The following CSNK2A2IP variants were observed in gnomAD, a reference collection of about 807,000 sequenced individuals.
CSNK2A2IP encodes casein kinase II subunit alpha'-interacting protein.
chr3:88,431,054 A>G, the CSNK2A2IP span: 16 of 152,240 alleles, frequency 1.1e-4, no homozygotes, highest in Admixed American at 6.5e-5. Context: ...CTAAAGCAAC[A>G]TAAAATTTGA....
chr3:88,408,249 C>T, the CSNK2A2IP span, among the ~76,000 whole-genome samples: 1 of 150,838 alleles, frequency 6.6e-6, no homozygotes, highest in African/African-American at 2.5e-5. Context: ...GAGATGAAGG[C>T]AATAGAGGCA....
chr3:88,402,427 A>G, the CSNK2A2IP span, among the ~76,000 whole-genome samples: 3 of 152,066 alleles, frequency 2.0e-5, no homozygotes, highest in Non-Finnish European at 4.4e-5. Context: ...TACTTCAGAA[A>G]AACTCTTGCA....
the CSNK2A2IP span, among the ~76,000 whole-genome samples, chr3:88,341,654 G>A: frequency 1.3e-5 from 2 of 151,610 alleles, no homozygotes; most frequent in Non-Finnish European, 2.9e-5. Flanking sequence ...CACTTTGATT[G>A]TATCCAGAAT....
At chr3:88,432,273 T>TAG in the CSNK2A2IP span, among the ~76,000 whole-genome samples, 1 of 151,940 alleles carries the variant, frequency 6.6e-6, no homozygotes, top group Non-Finnish European at 1.5e-5. Flanking sequence ...TATAAACAGT[T>TAG]ATCTAAGTTT....
the CSNK2A2IP span, among the ~76,000 whole-genome samples, chr3:88,341,055 A>G: frequency 9.9e-5 from 15 of 152,114 alleles, no homozygotes; most frequent in South Asian, 2.1e-3. Context: ...TTTCAAATTT[A>G]TGCAAATGCA....
the CSNK2A2IP span, among the ~76,000 whole-genome samples, chr3:88,349,201 T>G: frequency 3.9e-5 from 6 of 152,054 alleles, no homozygotes; most frequent in Non-Finnish European, 5.9e-5. Context: ...AGTTCTTTAG[T>G]GGTGAGTGCT....
At chr3:88,374,772 C>T in the CSNK2A2IP span, among the ~76,000 whole-genome samples, 1 of 151,772 alleles carries the variant, frequency 6.6e-6, no homozygotes, top group Non-Finnish European at 1.5e-5. Flanking sequence ...GCTTCTAAAA[C>T]ACATGGGAAT....
chr3:88,340,857 G>C, the CSNK2A2IP span, among the ~76,000 whole-genome samples: 1 of 151,838 alleles, frequency 6.6e-6, no homozygotes, highest in African/African-American at 2.4e-5. Context: ...TTGTCTTACT[G>C]AACTGCATGT....
At chr3:88,416,555 T>C in the CSNK2A2IP span, among the ~76,000 whole-genome samples, 1 of 152,166 alleles carries the variant, frequency 6.6e-6, no homozygotes, top group African/African-American at 2.4e-5. Context: ...GTTATAGCTT[T>C]GAGGCTGAAT....
the CSNK2A2IP span, among the ~76,000 whole-genome samples, chr3:88,366,852 G>C: frequency 6.6e-6 from 1 of 152,084 alleles, no homozygotes; most frequent in Non-Finnish European, 1.5e-5. Context: ...GTTCCACATG[G>C]CTGGGGAGGC....
the CSNK2A2IP span, among the ~76,000 whole-genome samples, chr3:88,405,231 C>A: frequency 2.6e-5 from 4 of 152,174 alleles, no homozygotes; most frequent in Admixed American, 6.5e-5. Context: ...TCCCCCAACT[C>A]TTTGAATAAA....
At chr3:88,355,078 C>A in the CSNK2A2IP span, among the ~76,000 whole-genome samples, 1 of 151,998 alleles carries the variant, frequency 6.6e-6, no homozygotes, top group African/African-American at 2.4e-5. Flanking sequence ...GCCAGCAATG[C>A]AAAGTAAGAT....
chr3:88,393,229 TACTC>T, the CSNK2A2IP span, among the ~76,000 whole-genome samples: 1 of 152,352 alleles, frequency 6.6e-6, no homozygotes, highest in African/African-American at 2.4e-5. Context: ...CAGGTAAACT[TACTC>T]AGTCTTGAGA....
the CSNK2A2IP span, among the ~76,000 whole-genome samples, chr3:88,400,893 T>C: frequency 6.6e-6 from 1 of 152,308 alleles, no homozygotes; most frequent in Non-Finnish European, 1.5e-5. Context: ...TGGTTCATGA[T>C]GCAGAGGGAG....
the CSNK2A2IP span, among the ~76,000 whole-genome samples, chr3:88,448,048 T>C: frequency 6.6e-6 from 1 of 152,214 alleles, no homozygotes; most frequent in Non-Finnish European, 1.5e-5. Flanking sequence ...GGGTCAATTG[T>C]ATGTTTTCCG....
chr3:88,360,323 C>T, the CSNK2A2IP span, among the ~76,000 whole-genome samples: 9 of 151,870 alleles, frequency 5.9e-5, no homozygotes, highest in East Asian at 1.4e-3. Flanking sequence ...TTAGTAGAGA[C>T]GGGGTTTCAC....
chr3:88,391,033 T>C, the CSNK2A2IP span, among the ~76,000 whole-genome samples: 2 of 152,204 alleles, frequency 1.3e-5, no homozygotes, highest in East Asian at 3.9e-4. Flanking sequence ...AGCAGTGTGA[T>C]TGGGGCAAAT....
At chr3:88,423,070 G>A in the CSNK2A2IP span, among the ~76,000 whole-genome samples, 4 of 152,178 alleles carry the variant, frequency 2.6e-5, no homozygotes, top group Admixed American at 2.6e-4. Context: ...TGGAATACTT[G>A]AGAGGTGCTC....
At chr3:88,351,795 T>A in the CSNK2A2IP span, among the ~76,000 whole-genome samples, 2 of 152,170 alleles carry the variant, frequency 1.3e-5, no homozygotes, top group African/African-American at 2.4e-5. Flanking sequence ...ATCAAATTTA[T>A]GTTGAAACTT....
Sources: allele counts gnomAD v4.1 joint callset (sites outside exome capture counted in the v4.1 genomes callset), GRCh38; gene constraint gnomAD v4.1.1; transcripts MANE v1.5; gene names NCBI Gene and HGNC (gene_info 2026-07-23, HGNC 2026-07-21).